CDYL2: variants seen among roughly 807,000 people sequenced by gnomAD.
The protein encoded by CDYL2 is chromodomain Y-like protein 2.
A neutral mutation model predicts 49.4 loss-of-function variants in CDYL2; 23 were observed. The ratio of observed to expected loss-of-function variants is 0.47; its 90% CI spans 0.34 to 0.66. The LOEUF is 0.66. CDYL2 is among the 30% of genes least tolerant of loss of function. CDYL2 has a pLI of 0.01. For synonymous variants in CDYL2, 360 were observed against 268.8 expected, an observed-to-expected ratio of 1.34 and a Z score of -3.32; for missense variants, 678 against 656.4, an observed-to-expected ratio of 1.03 and a Z score of -0.36.
chr16:80,685,708 A>C lies in CDYL2; in HGVS notation c.25-579T>G, dbSNP rs184309770. 1.3e-4 allele frequency among the ~76,000 whole-genome samples: 20 copies of C among 152,320 alleles called. No homozygotes were observed. In the East Asian group the frequency reaches 3.3e-3, roughly 25 times the overall value. On this transcript the variant is annotated intron_variant, in intron 1 of 6. Transcript: ENST00000570137. ...CTCGTGGACAAAAACTCAATGAAGTAAATATTTTTCTATCCCCAATTTACA... is the reference window on the plus strand; with the variant it reads ...CTCGTGGACAAAAACTCAATGAAGTCAATATTTTTCTATCCCCAATTTACA...
intron 2 of CDYL2, among the ~76,000 whole-genome samples, chr16:80,672,352 C>G (rs13338213): frequency 0.14 from 16,541 of 117,418 alleles, 1,702 homozygotes; most frequent in African/African-American, 0.32. Context: ...CACACACACA[C>G]AGAGAGAGAG....
At position 80,620,875 on chromosome 16, in the gene CDYL2, G is replaced by A. The variant is rs775181291; in HGVS notation, c.895C>T (p.Leu299Phe). ...NAATDDSKLLLLSAVGSVFCS... is the reference protein window; with the variant it reads ...NAATDDSKLLFLSAVGSVFCS... The stretch of plus-strand genomic sequence containing the variant: ...AACACGCTCCCCACTGCGCTGAGGA[G>A]CAGCAGTTTGCTGTCGTCTGTGGCT... The change falls in exon 4 of 7, where the codon CTC becomes TTC. Residue 299 changes from leucine (L) to phenylalanine (F), a missense_variant. Leu to Phe is a conservative substitution (Grantham distance 22). Around this residue, in one of 3 missense-constraint regions of CDYL2, gnomAD observed 478 missense variants for 427.0 expected, o/e 1.12. Transcript: ENST00000570137. 2 of 1,611,962 alleles carry A rather than the reference G, an allele frequency of 1.2e-6. No homozygotes were observed. The highest frequency in any genetic ancestry group is 2.2e-5 in the South Asian group (2 of 90,932).
rs566847131 is a variant in CDYL2 at position 80,600,703 on chromosome 16, T to C, written c.*3685A>G. The stretch of plus-strand genomic sequence containing the variant: ...ATATTCACTTAGGAAGATTTGAAGA[T>C]GTTTCTATTTGTTTCTCTCTGTTAA... On this transcript the variant is annotated 3_prime_UTR_variant, in exon 7 of 7. Transcript: ENST00000570137. 2.0e-5 allele frequency: 3 copies of C among 152,320 alleles called. No individual in the cohort carries two copies. The South Asian group carries it at 6.2e-4, about 32-fold the overall frequency. The allele number at this position is 152,320 out of a possible 1,614,324, so 9.4% of individuals were successfully genotyped here. A position where few individuals can be genotyped will look rare whatever the true frequency, so the allele number is the denominator to read the frequency against.
At chr16:80,736,823 G>A (rs535781351) in intron 1 of CDYL2, among the ~76,000 whole-genome samples, 4 of 152,104 alleles carry the variant, frequency 2.6e-5, no homozygotes, top group African/African-American at 7.2e-5. Flanking sequence ...AATTATGTAC[G>A]AACCACTTGA....
At position 80,620,749 on chromosome 16, in the gene CDYL2, G is replaced by T; in HGVS notation, c.1007+14C>A. On this transcript the variant is annotated intron_variant, in intron 4 of 6. Transcript: ENST00000570137. The stretch of plus-strand genomic sequence containing the variant: ...CGCAGGACCCCAGGGTGTGTGAAAA[G>T]GAGCACAGCTCACCTGATGGCTTCT... 6.4e-7 allele frequency: 1 copy of T among 1,570,018 alleles called. No individual in the cohort carries two copies. The highest frequency in any genetic ancestry group is 8.7e-7 in the Non-Finnish European group (1 of 1,151,766).
At position 80,747,331 on chromosome 16, in the gene CDYL2, G is replaced by A. The variant is rs183145731; in HGVS notation, c.24+56819C>T. 1.2e-4 allele frequency among the ~76,000 whole-genome samples: 18 copies of A among 152,026 alleles called. No individual in the cohort carries two copies. The East Asian group carries it at 2.9e-3, about 25-fold the overall frequency. On this transcript the variant is annotated intron_variant, in intron 1 of 6. Coordinates refer to ENST00000570137, the MANE Select transcript of CDYL2 (RefSeq NM_152342.4). ...TTTCTCGGGAGGGAGGCCTGGGGTAGGTATTTAACCTCTCCAAGCCTCAGA... is the reference window on the plus strand; with the variant it reads ...TTTCTCGGGAGGGAGGCCTGGGGTAAGTATTTAACCTCTCCAAGCCTCAGA...
chr16:80,681,743 C>T (rs531595175), intron 2 of CDYL2, among the ~76,000 whole-genome samples: 1 of 152,284 alleles, frequency 6.6e-6, no homozygotes, highest in Admixed American at 6.5e-5. Context: ...ATGTGTTACT[C>T]CTTCCATGGA....
intron 1 of CDYL2, among the ~76,000 whole-genome samples, chr16:80,717,204 GAC>G (rs1904841885): frequency 6.6e-6 from 1 of 152,098 alleles, no homozygotes; most frequent in Non-Finnish European, 1.5e-5. Context: ...CAGCCCTGCT[GAC>G]ACACAGTGTG....
chr16:80,706,768 C>G (rs1031848238), intron 1 of CDYL2, among the ~76,000 whole-genome samples: 2 of 152,216 alleles, frequency 1.3e-5, no homozygotes, highest in Admixed American at 6.5e-5. Context: ...TTTGGGACTG[C>G]TGCCTCCCAG....
rs144782570 is a variant in CDYL2 at position 80,778,157 on chromosome 16, T to A, written c.24+25993A>T. Among the ~76,000 whole-genome samples, 188 of 152,098 alleles carry A rather than the reference T, an allele frequency of 1.2e-3. 1 individual carries two copies. The highest frequency in any genetic ancestry group is 4.0e-3 in the African/African-American group (165 of 41,564). ...AAAACAGTAAACTAGCTGTAGAAAC[T>A]TTAACAGGAAAAATAATATCTACTT... is the stretch of plus-strand genomic sequence containing the variant. On this transcript the variant is annotated intron_variant, in intron 1 of 6. Coordinates refer to ENST00000570137, the MANE Select transcript of CDYL2 (RefSeq NM_152342.4).
intron 1 of CDYL2, among the ~76,000 whole-genome samples, chr16:80,785,179 G>A (rs779923622): frequency 6.6e-6 from 1 of 152,124 alleles, no homozygotes; most frequent in Non-Finnish European, 1.5e-5. Context: ...AATTGTTTCT[G>A]TTTGCAGATG....
chr16:80,636,653 T>G (rs1186697020), intron 2 of CDYL2, among the ~76,000 whole-genome samples: 1 of 152,186 alleles, frequency 6.6e-6, no homozygotes, highest in East Asian at 1.9e-4. Context: ...TGGCGATTCC[T>G]CAAGGATCTA....
intron 1 of CDYL2, among the ~76,000 whole-genome samples, chr16:80,757,628 G>C (rs888883937): frequency 6.7e-6 from 1 of 149,774 alleles, no homozygotes; most frequent in African/African-American, 2.5e-5. Flanking sequence ...TTGCCATTTT[G>C]ATAAATATTT....
chr16:80,683,292 G>C (rs566354542), intron 2 of CDYL2, among the ~76,000 whole-genome samples: 2 of 152,360 alleles, frequency 1.3e-5, no homozygotes, highest in South Asian at 4.1e-4. Flanking sequence ...CAGCCAAAGA[G>C]ACAAATGCCA....
intron 1 of CDYL2, among the ~76,000 whole-genome samples, chr16:80,773,630 A>G (rs1906982483): frequency 6.6e-6 from 1 of 152,204 alleles, no homozygotes; most frequent in Non-Finnish European, 1.5e-5. Context: ...TAAAATTGAA[A>G]GTACAATAAA....
At chr16:80,757,553 A>AAAATAT (rs1555535736) in intron 1 of CDYL2, among the ~76,000 whole-genome samples, 8 of 143,880 alleles carry the variant, frequency 5.6e-5, no homozygotes, top group African/African-American at 2.1e-4. Flanking sequence ...AAAAAAAAAA[A>AAAATAT]ATATATATAT....
Position 80,602,210 on chromosome 16 carries a change from G to A in CDYL2, c.*2178C>T, listed in dbSNP as rs551241096. The A allele has an allele frequency of 6.6e-6, 1 of 152,374 alleles. No individual in the cohort carries two copies. The highest frequency in any genetic ancestry group is 2.4e-5 in the African/African-American group (1 of 41,582). The allele number at this position is 152,374 out of a possible 1,614,324, so 9.4% of individuals were successfully genotyped here. A position where few individuals can be genotyped will look rare whatever the true frequency, so the allele number is the denominator to read the frequency against. ...AAGGAGGAGATAAGATCCAGATAGA[G>A]CTGTGACAACAGGCATTTGGGCAAA... On this transcript the variant is annotated 3_prime_UTR_variant, in exon 7 of 7. Coordinates refer to ENST00000570137, the MANE Select transcript of CDYL2 (RefSeq NM_152342.4).
intron 1 of CDYL2, among the ~76,000 whole-genome samples, chr16:80,778,431 T>A (rs571227823): frequency 6.6e-6 from 1 of 151,908 alleles, no homozygotes; most frequent in Non-Finnish European, 1.5e-5. Context: ...TAAGATGATA[T>A]AATTTAAGCA....
chr16:80,714,643 G>A (rs558678784), intron 1 of CDYL2, among the ~76,000 whole-genome samples: 50 of 152,010 alleles, frequency 3.3e-4, no homozygotes, highest in African/African-American at 8.2e-4. Flanking sequence ...CCCTATCCCC[G>A]ACCCTAACTT....
Sources: allele counts gnomAD v4.1 joint callset (sites outside exome capture counted in the v4.1 genomes callset), GRCh38; gene constraint gnomAD v4.1.1; regional missense constraint gnomAD v4.1.1; transcripts MANE v1.5; gene names NCBI Gene and HGNC (gene_info 2026-07-23, HGNC 2026-07-21).